The following MED27 variants were observed in gnomAD, a reference collection of about 807,000 sequenced individuals.
MED27 encodes the protein mediator complex subunit 27.
Under a neutral mutation model 38.2 loss-of-function variants are expected in MED27, and 30 were observed. The ratio of observed to expected loss-of-function variants is 0.79; its 90% CI spans 0.59 to 1.07. The LOEUF (loss-of-function observed/expected upper bound fraction) is 1.07, where lower values mean the gene tolerates loss of function less well. Among genes scored for constraint, MED27 ranks in the 50% least tolerant of loss-of-function variants. The pLI, the probability that MED27 is intolerant of heterozygous loss-of-function variation, is 0.00. For synonymous variants in MED27, 122 were observed against 153.5 expected (o/e 0.79, Z 1.52); for missense variants, 289 against 397.5 (o/e 0.73, Z 2.32).
rs1838675901 is a variant in MED27 at position 131,862,930 on chromosome 9, T to G, written c.801+133A>C. The G allele has an allele frequency of 3.0e-6, 2 of 663,866 alleles. No individual in the cohort carries two copies. The highest frequency in any genetic ancestry group is 5.2e-6 in the Non-Finnish European group (2 of 388,226). The allele number at this position is 663,866 out of a possible 1,614,324, so 41.1% of individuals were successfully genotyped here. On this transcript the variant is annotated intron_variant, in intron 7 of 7. Transcript: ENST00000292035. This position sits in a 1 kb window ranked among gnomAD's most constrained non-coding sequence, Gnocchi z 4.6. ...CGCAGTTTAAAGAAAGTAGCAGTTT[T>G]AAACTGGCAGCCCCATCTCCCACTG... is the stretch of plus-strand genomic sequence containing the variant.
At chr9:132,025,015 AG>A (rs957847795) in intron 2 of MED27, among the ~76,000 whole-genome samples, 7 of 152,140 alleles carry the variant, frequency 4.6e-5, no homozygotes, top group African/African-American at 1.7e-4. Flanking sequence ...ATCTACACAC[AG>A]GAAGTATGAG....
intron 3 of MED27, among the ~76,000 whole-genome samples, chr9:131,963,748 T>C (rs544228583): frequency 6.6e-6 from 1 of 152,336 alleles, no homozygotes; most frequent in East Asian, 1.9e-4. Context: ...GCTTTATATT[T>C]ATAGTTCTGT....
chr9:132,041,206 C>T (rs142820995), intron 2 of MED27, among the ~76,000 whole-genome samples: 139 of 152,266 alleles, frequency 9.1e-4, no homozygotes, highest in African/African-American at 3.2e-3. Flanking sequence ...GTGAGGGAGA[C>T]GACAAGCTCG....
intron 2 of MED27, among the ~76,000 whole-genome samples, chr9:132,019,639 G>A (rs1832677720): frequency 6.6e-6 from 1 of 152,240 alleles, no homozygotes; most frequent in Admixed American, 6.5e-5. Context: ...TTTCACATGA[G>A]AGGAGATGCC....
rs544749297 is a variant in MED27 at position 132,057,147 on chromosome 9, A to T, written c.348+20295T>A. On this transcript the variant is annotated intron_variant, in intron 2 of 7. Transcript: ENST00000292035. The stretch of plus-strand genomic sequence containing the variant: ...GCCTCCTTTTTGTTCACATGAACTC[A>T]AGTGAATCTTTTCCTTTTAATCACA... 2.6e-5 allele frequency among the ~76,000 whole-genome samples: 4 copies of T among 152,324 alleles called. No individual in the cohort carries two copies. In the East Asian group the frequency reaches 7.7e-4, roughly 29 times the overall value.
intron 3 of MED27, among the ~76,000 whole-genome samples, chr9:131,966,151 C>T (rs893037138): frequency 2.2e-5 from 3 of 134,832 alleles, no homozygotes; most frequent in Non-Finnish European, 4.7e-5. Flanking sequence ...TTGCTTGAGG[C>T]CAGGCATTCG....
chr9:132,051,875 A>C lies in MED27; in HGVS notation c.348+25567T>G, dbSNP rs904574277. On this transcript the variant is annotated intron_variant, in intron 2 of 7. Transcript: ENST00000292035. This position sits in a 1 kb window ranked among gnomAD's most constrained non-coding sequence, Gnocchi z 4.2. Reference sequence around the variant, plus strand: ...AGAAGAATCCCGATGGACGAGACTGAGGTGCCAAAACAGGTCCCTTTCCTT... The same window carrying C: ...AGAAGAATCCCGATGGACGAGACTGCGGTGCCAAAACAGGTCCCTTTCCTT... Among the ~76,000 whole-genome samples, 2 of 152,232 alleles carry C rather than the reference A, an allele frequency of 1.3e-5. No individual in the cohort carries two copies. The highest frequency in any genetic ancestry group is 2.9e-5 in the Non-Finnish European group (2 of 68,038).
chr9:132,004,765 C>T (rs888295758), intron 3 of MED27, among the ~76,000 whole-genome samples: 1 of 152,216 alleles, frequency 6.6e-6, no homozygotes, highest in African/African-American at 2.4e-5. Flanking sequence ...CTAAGAGCCA[C>T]GGGCAGTAGG....
intron 3 of MED27, among the ~76,000 whole-genome samples, chr9:131,991,120 C>G (rs1831962473): frequency 6.6e-6 from 1 of 152,170 alleles, no homozygotes; most frequent in Non-Finnish European, 1.5e-5. Flanking sequence ...CTCATAGCTG[C>G]TACTTGTACC....
chr9:132,074,903 T>TGGC, intron 2 of MED27, among the ~76,000 whole-genome samples: 1 of 152,366 alleles, frequency 6.6e-6, no homozygotes, highest in Admixed American at 6.5e-5. Context: ...TAACTGGCAG[T>TGGC]GGCTGCCTAG....
At chr9:132,066,568 C>G (rs926441919) in intron 2 of MED27, among the ~76,000 whole-genome samples, 2 of 152,244 alleles carry the variant, frequency 1.3e-5, no homozygotes, top group African/African-American at 4.8e-5. Context: ...CAAGGAAAAG[C>G]AGAAGCTGAG....
intron 4 of MED27, among the ~76,000 whole-genome samples, chr9:131,905,077 A>G (rs1053518464): frequency 1.3e-5 from 2 of 152,190 alleles, no homozygotes; most frequent in African/African-American, 4.8e-5. Context: ...CTTGGGAAAA[A>G]TCCCCCAAAC....
intron 4 of MED27, among the ~76,000 whole-genome samples, chr9:131,934,276 G>T (rs1393515871): frequency 6.6e-6 from 1 of 152,078 alleles, no homozygotes; most frequent in Non-Finnish European, 1.5e-5. Flanking sequence ...ATGGATAAAT[G>T]GGATCATATC....
chr9:131,874,228 C>A (rs1047668796), intron 6 of MED27, among the ~76,000 whole-genome samples: 1 of 152,232 alleles, frequency 6.6e-6, no homozygotes, highest in Non-Finnish European at 1.5e-5. Flanking sequence ...AGGCTAAGCC[C>A]TTCTCACCCC....
intron 4 of MED27, among the ~76,000 whole-genome samples, chr9:131,898,144 T>C (rs114383220): frequency 1.3e-5 from 2 of 150,426 alleles, no homozygotes; most frequent in Non-Finnish European, 2.9e-5. Flanking sequence ...AGGGCTATAG[T>C]AGTTTATGGA....
chr9:132,014,216 CA>C, intron 3 of MED27, 120 bp downstream of exon 3: 11 of 1,159,782 alleles, frequency 9.5e-6, no homozygotes, highest in South Asian at 1.6e-5. Context: ...GACTCCGTCT[CA>C]AAAAAAGGAA....
chr9:131,940,981 C>T lies in MED27; in HGVS notation c.480-1507G>A, dbSNP rs556588810. 1.4e-4 allele frequency among the ~76,000 whole-genome samples: 22 copies of T among 152,300 alleles called. No individual in the cohort carries two copies. The East Asian group carries it at 3.9e-3, about 27-fold the overall frequency. ...ATTTTAAGTGCCCTGATTGATAGTT[C>T]TACCACTTACACCATGGGCCAATTC... On this transcript the variant is annotated intron_variant, in intron 3 of 7. Transcript: ENST00000292035.
chr9:131,881,853 G>A (rs1839052869), intron 6 of MED27, among the ~76,000 whole-genome samples: 1 of 122,400 alleles, frequency 8.2e-6, no homozygotes, highest in Non-Finnish European at 1.6e-5. Flanking sequence ...CACCCAGGCT[G>A]GAGTGCAGTG....
chr9:131,956,093 G>A (rs1443478283), intron 3 of MED27, among the ~76,000 whole-genome samples: 2 of 152,166 alleles, frequency 1.3e-5, no homozygotes, highest in Admixed American at 1.3e-4. Flanking sequence ...CCCATGCTGT[G>A]TTCTAGCCAT....
Sources: gnomAD v4.1 joint callset for allele counts (sites outside exome capture counted in the v4.1 genomes callset) on GRCh38, gnomAD v4.1.1 for gene constraint, Gnocchi (gnomAD v3.1) non-coding constraint, MANE v1.5 for transcripts, NCBI Gene and HGNC (gene_info 2026-07-23, HGNC 2026-07-21) for gene names.